The following CCDC178 variants were observed in gnomAD, a reference collection of about 807,000 sequenced individuals.
CCDC178 encodes the protein coiled-coil domain-containing protein 178.
In CCDC178, 126 loss-of-function variants were observed where a neutral mutation model predicts 117.4. That is an observed-to-expected ratio of 1.07 (90% CI 0.93 to 1.24). The LOEUF is 1.24. Among genes scored for constraint, CCDC178 ranks in the 50% most tolerant of loss-of-function variants. The pLI, the probability that CCDC178 is intolerant of heterozygous loss-of-function variation, is 0.00. For missense variants in CCDC178, 1,030 were observed against 986.9 expected (o/e 1.04, Z -0.59); for synonymous variants, 283 against 313.4 (o/e 0.90, Z 1.02).
chr18:33,235,707 T>G (rs958689617), intron 15 of CCDC178, among the ~76,000 whole-genome samples: 4 of 152,158 alleles, frequency 2.6e-5, no homozygotes, highest in African/African-American at 9.7e-5. Context: ...GCAGCTTGCA[T>G]AGAAGATTTC....
At chr18:33,260,122 A>G (rs140407302) in intron 14 of CCDC178, among the ~76,000 whole-genome samples, 16 of 152,142 alleles carry the variant, frequency 1.1e-4, no homozygotes, top group African/African-American at 2.4e-4. Flanking sequence ...CTACCACCCA[A>G]TAGGAACTGC....
intron 5 of CCDC178, among the ~76,000 whole-genome samples, chr18:33,380,507 C>T (rs774589100): frequency 3.3e-4 from 50 of 152,188 alleles, no homozygotes; most frequent in Non-Finnish European, 6.8e-4. Flanking sequence ...GTCTCTATGC[C>T]TCTTTCCAAG....
At chr18:33,003,934 T>A (rs1242973482) in intron 21 of CCDC178, among the ~76,000 whole-genome samples, 1 of 151,938 alleles carries the variant, frequency 6.6e-6, no homozygotes, top group African/African-American at 2.4e-5. Context: ...TTGCAATAGA[T>A]GCAAATGCAA....
intron 21 of CCDC178, among the ~76,000 whole-genome samples, chr18:33,022,087 G>C (rs1161001178): frequency 1.3e-5 from 2 of 152,086 alleles, no homozygotes; most frequent in Non-Finnish European, 2.9e-5. Flanking sequence ...CCATATTACT[G>C]CCTAATGGTC....
chr18:33,044,124 ATAATT>A (rs2056601099), intron 21 of CCDC178, among the ~76,000 whole-genome samples: 1 of 151,710 alleles, frequency 6.6e-6, no homozygotes, highest in African/African-American at 2.4e-5. Flanking sequence ...GGGAAAATAA[ATAATT>A]TAACCTCTCC....
At chr18:33,059,727 T>A (rs556848019) in intron 21 of CCDC178, among the ~76,000 whole-genome samples, 2 of 152,094 alleles carry the variant, frequency 1.3e-5, no homozygotes, top group Admixed American at 1.3e-4. Context: ...TATTTCACTC[T>A]ATCCTAAGTT....
intron 21 of CCDC178, among the ~76,000 whole-genome samples, chr18:33,082,290 G>C (rs961075808): frequency 4.6e-5 from 7 of 152,094 alleles, no homozygotes; most frequent in Non-Finnish European, 8.8e-5. Context: ...GGGCAACATA[G>C]TGAAACTCCA....
intron 22 of CCDC178, among the ~76,000 whole-genome samples, chr18:32,963,459 T>A (rs998543630): frequency 2.0e-5 from 3 of 152,064 alleles, no homozygotes; most frequent in African/African-American, 7.2e-5. Context: ...TATTTAATCA[T>A]GTAATTATTA....
intron 22 of CCDC178, among the ~76,000 whole-genome samples, chr18:32,943,834 C>A (rs1264070924): frequency 6.6e-6 from 1 of 152,172 alleles, no homozygotes; most frequent in African/African-American, 2.4e-5. Context: ...TCAGGTAACA[C>A]AACATATTAA....
chr18:33,066,267 C>T (rs1475869558), intron 21 of CCDC178, among the ~76,000 whole-genome samples: 1 of 151,928 alleles, frequency 6.6e-6, no homozygotes, highest in Non-Finnish European at 1.5e-5. Context: ...GGGAATCCTA[C>T]ATCTGAAAGT....
intron 20 of CCDC178, among the ~76,000 whole-genome samples, chr18:33,160,466 T>TCA (rs1161876255): frequency 6.6e-6 from 1 of 152,164 alleles, no homozygotes; most frequent in African/African-American, 2.4e-5. Context: ...ATTCAAGTAT[T>TCA]CACATGACTC....
At chr18:33,338,497 C>T (rs2062772384) in intron 9 of CCDC178, among the ~76,000 whole-genome samples, 1 of 152,076 alleles carries the variant, frequency 6.6e-6, no homozygotes, top group African/African-American at 2.4e-5. Context: ...TGGAACCAGC[C>T]CAAATGCCCA....
intron 14 of CCDC178, among the ~76,000 whole-genome samples, chr18:33,263,256 T>A (rs994130556): frequency 6.6e-6 from 1 of 152,086 alleles, no homozygotes; most frequent in Non-Finnish European, 1.5e-5. Context: ...GAAGTGGGAG[T>A]TTTAAAAGTA....
At chr18:33,096,260 G>A (rs2057541194) in intron 20 of CCDC178, among the ~76,000 whole-genome samples, 1 of 146,696 alleles carries the variant, frequency 6.8e-6, no homozygotes, top group South Asian at 2.1e-4. Flanking sequence ...TCAGAAAACT[G>A]GTTCTTTTTG....
chr18:33,427,033 T>C (rs2064133885), intron 2 of CCDC178, among the ~76,000 whole-genome samples: 1 of 152,158 alleles, frequency 6.6e-6, no homozygotes, highest in Non-Finnish European at 1.5e-5. Context: ...ATAGAAAAGA[T>C]TCATATTTTA....
chr18:33,375,066 T>C (rs2063346216), intron 5 of CCDC178, among the ~76,000 whole-genome samples: 2 of 152,168 alleles, frequency 1.3e-5, no homozygotes, highest in South Asian at 4.1e-4. Context: ...TCAAAAGTCA[T>C]TCACTTATAC....
intron 15 of CCDC178, among the ~76,000 whole-genome samples, chr18:33,229,987 G>C (rs1025722965): frequency 1.8e-4 from 28 of 152,134 alleles, no homozygotes; most frequent in African/African-American, 6.8e-4. Flanking sequence ...AAATTACCAA[G>C]AGGAAAAATG....
At chr18:32,960,830 A>G (rs944970178) in intron 22 of CCDC178, among the ~76,000 whole-genome samples, 1 of 152,160 alleles carries the variant, frequency 6.6e-6, no homozygotes, top group Non-Finnish European at 1.5e-5. Context: ...AATTTTTCTT[A>G]TAATTAATTT....
intron 21 of CCDC178, among the ~76,000 whole-genome samples, chr18:33,030,896 T>C (rs1354955987): frequency 1.3e-5 from 2 of 152,082 alleles, no homozygotes; most frequent in Non-Finnish European, 2.9e-5. Flanking sequence ...CTAGGGACTC[T>C]AGGAAGCTGG....
Sources: allele counts gnomAD v4.1 joint callset (sites outside exome capture counted in the v4.1 genomes callset), GRCh38; gene constraint gnomAD v4.1.1; transcripts MANE v1.5; gene names NCBI Gene and HGNC (gene_info 2026-07-23, HGNC 2026-07-21).